The following TMPRSS5 variants were observed in gnomAD, a reference collection of about 807,000 sequenced individuals.
TMPRSS5 encodes transmembrane protease serine 5.
In TMPRSS5, 45 loss-of-function variants were observed where a neutral mutation model predicts 59.7. That is an observed-to-expected ratio of 0.75 (90% CI 0.59 to 0.97). The LOEUF (loss-of-function observed/expected upper bound fraction) is 0.97, where lower values mean the gene tolerates loss of function less well. Ranked by LOEUF, TMPRSS5 falls within the 50% of genes least tolerant of loss-of-function variation. The pLI, the probability that TMPRSS5 is intolerant of heterozygous loss-of-function variation, is 0.00. For missense variants in TMPRSS5, 585 were observed against 596.7 expected (o/e 0.98, Z 0.20); for synonymous variants, 225 against 232.0 (o/e 0.97, Z 0.27).
intron 6 of TMPRSS5, among the ~76,000 whole-genome samples, chr11:113,696,493 A>G (rs1952931904): frequency 6.6e-6 from 1 of 152,258 alleles, no homozygotes; most frequent in Admixed American, 6.5e-5. Flanking sequence ...GCTTGGAGAC[A>G]GGAGCCTGGT....
Position 113,690,410 on chromosome 11 carries a change from G to A in TMPRSS5, c.1064-37C>T, listed in dbSNP as rs763338480. ...ACCGAGAAAAACTGCAGGGCACAAA[G>A]CAAGGCCCAGGCAGGCAGAGCAGCA... On this transcript the variant is annotated intron_variant, in intron 10 of 12. Coordinates refer to ENST00000299882, the MANE Select transcript of TMPRSS5 (RefSeq NM_030770.4). 21 of 1,588,526 alleles carry A rather than the reference G, an allele frequency of 1.3e-5. No homozygotes were observed. In the African/African-American group the frequency reaches 2.0e-4, roughly 15 times the overall value.
rs2134801720 is a variant in TMPRSS5 at position 113,695,534 on chromosome 11, G to T, written c.579-91C>A. ...ACGTGAAGAATGGGGGAGGCTGGTGGGGGTGGTGGACAGTTCTTAAGGCTG... is the reference window on the plus strand; with the variant it reads ...ACGTGAAGAATGGGGGAGGCTGGTGTGGGTGGTGGACAGTTCTTAAGGCTG... On this transcript the variant is annotated intron_variant, in intron 6 of 12. Transcript: ENST00000299882. The T allele has an allele frequency of 3.0e-6, 4 of 1,336,244 alleles. No homozygotes were observed. In the South Asian group the frequency reaches 4.8e-5, roughly 16 times the overall value. 82.8% of individuals were successfully genotyped at this position (1,336,244 alleles called of 1,614,324 possible).
In TMPRSS5 at chr11:113,699,577, A is replaced by G; in HGVS notation, c.205+18T>C. 1 of 1,558,420 alleles carries G rather than the reference A, an allele frequency of 6.4e-7. No individual in the cohort carries two copies. The highest frequency in any genetic ancestry group is 8.7e-7 in the Non-Finnish European group (1 of 1,150,832). On this transcript the variant is annotated intron_variant, in intron 3 of 12. Coordinates refer to ENST00000299882, the MANE Select transcript of TMPRSS5 (RefSeq NM_030770.4). ...CTTCCAACCTCCCCCACACCAGAGA[A>G]AGGCCCCCAGCACTGACCTAGGAGC...
chr11:113,697,535 C>A, intron 4 of TMPRSS5, 117 bp from the exon 5 acceptor site: 1 of 1,240,154 alleles, frequency 8.1e-7, no homozygotes, highest in South Asian at 1.5e-5. Flanking sequence ...GCATCTGGAT[C>A]ACCCAGTGCC....
At chr11:113,693,036 T>C in intron 9 of TMPRSS5, 35 bp downstream of exon 9, 2 of 1,546,462 alleles carry the variant, frequency 1.3e-6, no homozygotes, top group Non-Finnish European at 1.7e-6. Context: ...CTCGCCATAG[T>C]CTCCAGCCTG....
At position 113,706,203 on chromosome 11, in the gene TMPRSS5, C is replaced by T; in HGVS notation, c.3+19G>A. The T allele has an allele frequency of 6.3e-7, 1 of 1,597,390 alleles. No homozygotes were observed. Among genetic ancestry groups the T allele is most frequent in the Non-Finnish European group, 8.5e-7 (1 of 1,172,210 alleles). ...GAGAGAGAGGCCACAGCAGGGATGG[C>T]ACAGAGACGTAACCTTACCATAGGG... On this transcript the variant is annotated intron_variant, in intron 1 of 12. Coordinates refer to ENST00000299882, the MANE Select transcript of TMPRSS5 (RefSeq NM_030770.4).
Position 113,698,762 on chromosome 11 carries a change from C to T in TMPRSS5, c.328+143G>A, listed in dbSNP as rs1227840698. 1.2e-5 allele frequency: 12 copies of T among 966,896 alleles called. No individual in the cohort carries two copies. The South Asian group carries it at 1.3e-4, about 10-fold the overall frequency. 59.9% of individuals were successfully genotyped at this position (966,896 alleles called of 1,614,324 possible). A position where few individuals can be genotyped will look rare whatever the true frequency, so the allele number is the denominator to read the frequency against. On this transcript the variant is annotated intron_variant, in intron 4 of 12. Coordinates refer to ENST00000299882, the MANE Select transcript of TMPRSS5 (RefSeq NM_030770.4). ...ATCAGAGATCACTGCAAGGTGACACCTTGTCACTGCCCTCACACTAGAGGA... is the reference window on the plus strand; with the variant it reads ...ATCAGAGATCACTGCAAGGTGACACTTTGTCACTGCCCTCACACTAGAGGA...
rs369935955 is a variant in TMPRSS5, at chr11:113,695,497, A to T, written c.579-54T>A. ...TGGGCAGGGGCCGCCCTGCAGCCAC[A>T]CACATCCAAGGACGTGAAGAATGGG... On this transcript the variant is annotated intron_variant, in intron 6 of 12. Transcript: ENST00000299882. 8 of 1,589,000 alleles carry T rather than the reference A, an allele frequency of 5.0e-6. No homozygotes were observed. In the South Asian group the frequency reaches 8.9e-5, roughly 18 times the overall value.
chr11:113,695,528 C>T, intron 6 of TMPRSS5, 85 bp from the exon 7 acceptor site: 2 of 1,399,380 alleles, frequency 1.4e-6, no homozygotes, highest in Non-Finnish European at 2.0e-6. Context: ...ATGGGGGAGG[C>T]TGGTGGGGGT....
At position 113,693,209 on chromosome 11, in the gene TMPRSS5, C is replaced by A. The variant is rs1454280859; in HGVS notation, c.826G>T (p.Gly276Trp). The A allele has an allele frequency of 1.1e-5, 17 of 1,587,442 alleles. No individual in the cohort carries two copies. The East Asian group carries it at 3.2e-4, about 30-fold the overall frequency. Residue 276 changes from glycine to tryptophan, a missense_variant, in exon 9 of 13, where the codon GGG (glycine) becomes TGG (tryptophan). Gly to Trp is a radical substitution (Grantham distance 184). Transcript: ENST00000299882. ...CTGACGGCACTGTGGCTGACCAGCC[C>A]CGCATGAACCCGCCAGCTGGACAGG... ...ARLSSWRVHA[G>W]LVSHSAVRPH...
Position 113,699,272 on chromosome 11 carries a change from C to CCCCCCCTCTCTCTCTCCCT in TMPRSS5, c.206-246_206-245insAGGGAGAGAGAGAGGGGGG, listed in dbSNP as rs1565263847. On this transcript the variant is annotated intron_variant, in intron 3 of 12. Transcript: ENST00000299882. ...CTCTCTCTCTCTCTCTCTCTCTCTC[C>CCCCCCCTCTCTCTCTCCCT]CTCTCTCTCTCTCTCTCTCTGTCTC... 1.2e-4 allele frequency among the ~76,000 whole-genome samples: 3 copies of CCCCCCCTCTCTCTCTCCCT among 24,058 alleles called. 1 individual carries two copies. The highest frequency in any genetic ancestry group is 4.0e-4 in the African/African-American group (2 of 4,948). 15.8% of individuals were successfully genotyped at this position (24,058 alleles called of 152,430 possible). A position where few individuals can be genotyped will look rare whatever the true frequency, so the allele number is the denominator to read the frequency against.
chr11:113,703,058 T>C (rs528483318), intron 1 of TMPRSS5, among the ~76,000 whole-genome samples: 2 of 152,274 alleles, frequency 1.3e-5, no homozygotes, highest in South Asian at 4.1e-4. Context: ...AAGGCCACCA[T>C]CCTCCAGACC....
intron 1 of TMPRSS5, 122 bp downstream of exon 1, chr11:113,706,100 C>T: frequency 8.3e-7 from 1 of 1,201,880 alleles, no homozygotes; most frequent in South Asian, 1.3e-5. Context: ...AGGATCCAGC[C>T]CCTGTACCAG....
At position 113,687,924 on chromosome 11, in the gene TMPRSS5, G is replaced by C. The variant is rs1417610315; in HGVS notation, c.*336C>G. ...GGGAGGGGAGAGGGCAGAAGGGCAG[G>C]CTTCCTGCTGCTTCTAGCAGCCTCT... On this transcript the variant is annotated 3_prime_UTR_variant, in exon 13 of 13. Coordinates refer to ENST00000299882, the MANE Select transcript of TMPRSS5 (RefSeq NM_030770.4). 1 of 278,052 alleles carries C rather than the reference G, an allele frequency of 3.6e-6. No individual in the cohort carries two copies. Among genetic ancestry groups the C allele is most frequent in the Non-Finnish European group, 6.6e-6 (1 of 150,748 alleles). 17.2% of individuals were successfully genotyped at this position (278,052 alleles called of 1,614,324 possible).
At position 113,690,826 on chromosome 11, in the gene TMPRSS5, A is replaced by G; in HGVS notation, c.1063+15T>C. ...ACACCCGCCCCTGCACCGAGGGCCC[A>G]GGGAGCTGACTCACTATGGCTAGGG... is the stretch of plus-strand genomic sequence containing the variant. On this transcript the variant is annotated intron_variant, in intron 10 of 12. Coordinates refer to ENST00000299882, the MANE Select transcript of TMPRSS5 (RefSeq NM_030770.4). 1.3e-6 allele frequency: 2 copies of G among 1,571,330 alleles called. No homozygotes were observed. The highest frequency in any genetic ancestry group is 1.7e-6 in the Non-Finnish European group (2 of 1,158,260).
At chr11:113,697,487 C>T (rs1952964432) in intron 4 of TMPRSS5, 69 bp from the exon 5 acceptor site, 1 of 1,561,218 alleles carries the variant, frequency 6.4e-7, no homozygotes, top group Non-Finnish European at 8.7e-7. Flanking sequence ...AAGAGCTGGA[C>T]CCAGGATTCT....
chr11:113,704,991 C>T (rs1208627113), intron 1 of TMPRSS5, among the ~76,000 whole-genome samples: 1 of 152,132 alleles, frequency 6.6e-6, no homozygotes, highest in African/African-American at 2.4e-5. Flanking sequence ...TTAATAAGAA[C>T]TACACCTAAG....
rs1467253349 is a variant in TMPRSS5 at position 113,695,535 on chromosome 11, G to A, written c.579-92C>T. The A allele has an allele frequency of 3.0e-6, 4 of 1,327,002 alleles. No homozygotes were observed. In the Admixed American group the frequency reaches 5.4e-5, roughly 18 times the overall value. 82.2% of individuals were successfully genotyped at this position (1,327,002 alleles called of 1,614,324 possible). On this transcript the variant is annotated intron_variant, in intron 6 of 12. Transcript: ENST00000299882. ...CGTGAAGAATGGGGGAGGCTGGTGG[G>A]GGTGGTGGACAGTTCTTAAGGCTGT...
intron 4 of TMPRSS5, 88 bp from the exon 5 acceptor site, chr11:113,697,506 T>C: frequency 6.8e-7 from 1 of 1,475,460 alleles, no homozygotes. Flanking sequence ...CTGTAGTACT[T>C]GAAGAGGCCT....
Sources: allele counts gnomAD v4.1 joint callset (sites outside exome capture counted in the v4.1 genomes callset), GRCh38; gene constraint gnomAD v4.1.1; transcripts MANE v1.5; gene names NCBI Gene and HGNC (gene_info 2026-07-23, HGNC 2026-07-21).